The following AGFG1 variants were observed in gnomAD, a reference collection of about 807,000 sequenced individuals.
AGFG1 encodes the protein arf-GAP domain and FG repeat-containing protein 1.
In AGFG1, 10 loss-of-function variants were observed where a neutral mutation model predicts 60.6. That is an observed-to-expected ratio of 0.16 (90% confidence interval 0.10 to 0.28). AGFG1 has a LOEUF of 0.28. Among genes scored for constraint, AGFG1 ranks in the 10% least tolerant of loss-of-function variants. The probability of loss-of-function intolerance (pLI) is 1.00; values close to 1 mark genes in which losing one functional copy is unlikely to be tolerated. For missense variants in AGFG1, 537 were observed against 676.5 expected (o/e 0.79, Z 2.29); for synonymous variants, 247 against 242.9 (o/e 1.02, Z -0.16).
At chr2:227,476,378 A>AT (rs1200604692) in intron 1 of AGFG1, among the ~76,000 whole-genome samples, 1 of 152,182 alleles carries the variant, frequency 6.6e-6, no homozygotes, top group Non-Finnish European at 1.5e-5. Context: ...AGACTAAATT[A>AT]TTTGTTTTAT....
chr2:227,474,202 C>T (rs1690214596), intron 1 of AGFG1, among the ~76,000 whole-genome samples: 1 of 152,134 alleles, frequency 6.6e-6, no homozygotes, highest in South Asian at 2.1e-4. Flanking sequence ...TTACGTTGGA[C>T]AATATTGGTT....
At chr2:227,542,634 CCTTTGCCAGG>C (rs1296619111) in intron 10 of AGFG1, among the ~76,000 whole-genome samples, 1 of 151,964 alleles carries the variant, frequency 6.6e-6, no homozygotes, top group Non-Finnish European at 1.5e-5. Context: ...TTTTGTTGTG[CCTTTGCCAGG>C]CTTTGGTATC....
At chr2:227,480,869 A>C (rs1225226712) in intron 1 of AGFG1, among the ~76,000 whole-genome samples, 1 of 152,226 alleles carries the variant, frequency 6.6e-6, no homozygotes, top group Non-Finnish European at 1.5e-5. Context: ...GTTTGCCTAC[A>C]TTCACAAAGG....
intron 5 of AGFG1, among the ~76,000 whole-genome samples, chr2:227,527,223 G>A (rs929450000): frequency 3.3e-5 from 5 of 152,064 alleles, no homozygotes; most frequent in Admixed American, 2.0e-4. Flanking sequence ...ACATTTCTAA[G>A]TTTTCTATTC....
At chr2:227,478,613 C>T (rs533831929) in intron 1 of AGFG1, among the ~76,000 whole-genome samples, 204 of 152,130 alleles carry the variant, frequency 1.3e-3, no homozygotes, top group Non-Finnish European at 7.1e-4. Flanking sequence ...GGATTACAGG[C>T]GTGAATTACC....
chr2:227,510,724 T>TA (rs1452300667), intron 2 of AGFG1: 3 of 152,204 alleles, frequency 2.0e-5, no homozygotes, highest in Non-Finnish European at 4.4e-5. Context: ...TCATCCTATC[T>TA]AGAACACAGT....
At position 227,523,925 on chromosome 2, in the gene AGFG1, G is replaced by A; in HGVS notation, c.540G>A (p.Gln180=). The change falls in exon 4 of 13, where the codon CAG becomes CAA. Residue 180 remains glutamine (Q), a splice_region_variant and synonymous_variant. Transcript: ENST00000310078. The part of the protein sequence containing the change: ...TLHLNKGTPS[Q]SPVVGRSQGQ... ...ACTTAAATAAGGGCACACCTAGTCA[G>A]GTGAGTAGTCTTTGAATCTTTGTAG... is the stretch of plus-strand genomic sequence containing the variant. 1 of 1,610,494 alleles carries A rather than the reference G, an allele frequency of 6.2e-7. No homozygotes were observed. The highest frequency in any genetic ancestry group is 1.1e-5 in the South Asian group (1 of 90,792).
Position 227,549,511 on chromosome 2 carries a change from T to C in AGFG1, c.1379-2448T>C, listed in dbSNP as rs557396407. On this transcript the variant is annotated intron_variant, in intron 10 of 12. Coordinates refer to ENST00000310078, the MANE Select transcript of AGFG1 (RefSeq NM_004504.5). ...CAGCCATTGTATTTTAACCTGTAAA[T>C]ACCGCTTACCTTTCTCTTGAACTAG... Among the ~76,000 whole-genome samples, 3 of 152,350 alleles carry C rather than the reference T, an allele frequency of 2.0e-5. No homozygotes were observed. The East Asian group carries it at 5.8e-4, about 29-fold the overall frequency.
At chr2:227,525,168 T>G (rs115971341) in intron 5 of AGFG1, among the ~76,000 whole-genome samples, 4 of 152,208 alleles carry the variant, frequency 2.6e-5, no homozygotes, top group African/African-American at 7.2e-5. Flanking sequence ...CTATTTTTTA[T>G]TCTTTATGAA....
chr2:227,531,502 T>TAA (rs1490348000), intron 6 of AGFG1, among the ~76,000 whole-genome samples: 1 of 148,548 alleles, frequency 6.7e-6, no homozygotes, highest in African/African-American at 2.5e-5. Flanking sequence ...GACACTACTA[T>TAA]AAGTATTTCT....
intron 10 of AGFG1, among the ~76,000 whole-genome samples, chr2:227,545,468 G>A (rs1260593156): frequency 1.3e-5 from 2 of 152,202 alleles, no homozygotes; most frequent in Admixed American, 1.3e-4. Flanking sequence ...CTGTCAGTTC[G>A]TCTAAAGTCA....
chr2:227,532,623 T>G (rs529102234), intron 6 of AGFG1, among the ~76,000 whole-genome samples: 54 of 152,284 alleles, frequency 3.5e-4, no homozygotes, highest in Non-Finnish European at 6.9e-4. Context: ...GTTTTTTTAA[T>G]AGAAGTTCAT....
chr2:227,487,230 C>CT (rs1040982292), intron 1 of AGFG1, among the ~76,000 whole-genome samples: 1 of 152,134 alleles, frequency 6.6e-6, no homozygotes, highest in African/African-American at 2.4e-5. Flanking sequence ...GTCACTTGGA[C>CT]TTTCCATTAT....
intron 6 of AGFG1, chr2:227,532,266 T>TC (rs1197164294): frequency 3.7e-5 from 49 of 1,329,920 alleles, no homozygotes; most frequent in Admixed American, 4.9e-5. Context: ...TTGCTATACT[T>TC]CAAGGGTTTT....
intron 2 of AGFG1, among the ~76,000 whole-genome samples, chr2:227,501,891 C>G (rs992017196): frequency 1.4e-4 from 21 of 151,336 alleles, no homozygotes; most frequent in African/African-American, 5.1e-4. Context: ...TAGGTTCTTA[C>G]TCTGTTGTCC....
intron 1 of AGFG1, among the ~76,000 whole-genome samples, chr2:227,487,080 G>T (rs1284227126): frequency 6.6e-6 from 1 of 152,170 alleles, no homozygotes; most frequent in African/African-American, 2.4e-5. Context: ...AGGTTTTCCA[G>T]GTTTTAGAAA....
Position 227,506,249 on chromosome 2 carries a change from T to C in AGFG1, c.262-13699T>C, listed in dbSNP as rs572313859. ...GTTTTAATTGTTTTGTTTTTTACTT[T>C]AGCAAATTCTGCTGCTCCCATGATG... On this transcript the variant is annotated intron_variant, in intron 2 of 12. Coordinates refer to ENST00000310078, the MANE Select transcript of AGFG1 (RefSeq NM_004504.5). Among the ~76,000 whole-genome samples, 40 of 152,302 alleles carry C rather than the reference T, an allele frequency of 2.6e-4. No homozygotes were observed. In the South Asian group the frequency reaches 8.1e-3, roughly 31 times the overall value.
At position 227,560,792 on chromosome 2, in the gene AGFG1, C is replaced by T. The variant is rs1432779327; in HGVS notation, c.*6297C>T. 1.3e-5 allele frequency: 2 copies of T among 152,068 alleles called. No individual in the cohort carries two copies. Among genetic ancestry groups the T allele is most frequent in the Non-Finnish European group, 2.9e-5 (2 of 67,990 alleles). The allele number at this position is 152,068 out of a possible 1,614,324, so 9.4% of individuals were successfully genotyped here. A position where few individuals can be genotyped will look rare whatever the true frequency, so the allele number is the denominator to read the frequency against. On this transcript the variant is annotated 3_prime_UTR_variant, in exon 13 of 13. Transcript: ENST00000310078. ...ACTCTGAAAGTTGTGATTCTGATTC[C>T]TCATGGTTTGGAGCTCAGAAATTTC...
chr2:227,491,417 C>G (rs1399088201), intron 1 of AGFG1, 130 bp from the exon 2 acceptor site: 1 of 529,686 alleles, frequency 1.9e-6, no homozygotes, highest in Non-Finnish European at 3.3e-6. Flanking sequence ...TTTAAAAATA[C>G]TTTGAGTTTA....
Sources: gnomAD v4.1 joint callset for allele counts (sites outside exome capture counted in the v4.1 genomes callset) on GRCh38, gnomAD v4.1.1 for gene constraint, MANE v1.5 for transcripts, NCBI Gene and HGNC (gene_info 2026-07-23, HGNC 2026-07-21) for gene names.